The following GLIS3 variants were observed in gnomAD, a reference collection of about 807,000 sequenced individuals.
GLIS3 encodes GLIS family zinc finger 3, also known as zinc finger protein GLIS3.
In GLIS3, 53 loss-of-function variants were observed where a neutral mutation model predicts 78.6. That is an observed-to-expected ratio of 0.67 (90% CI 0.54 to 0.85). GLIS3 has a LOEUF of 0.85. GLIS3 is among the 40% of genes least tolerant of loss of function. The probability of loss-of-function intolerance (pLI) is 0.00; values close to 1 mark genes in which losing one functional copy is unlikely to be tolerated. For synonymous variants in GLIS3, 684 were observed against 509.9 expected, an observed-to-expected ratio of 1.34 and a Z score of -4.60; for missense variants, 1,703 against 1,231.1, an observed-to-expected ratio of 1.38 and a Z score of -5.74.
intron 2 of GLIS3, among the ~76,000 whole-genome samples, chr9:4,282,144 G>C (rs1425050554): frequency 6.6e-6 from 1 of 152,166 alleles, no homozygotes; most frequent in Admixed American, 6.5e-5. Flanking sequence ...TCCGTACACA[G>C]CTCTACGCTT....
At position 4,196,753 on chromosome 9, in the gene GLIS3, C is replaced by T. The variant is rs1002293024; in HGVS notation, c.389-70812G>A. Among the ~76,000 whole-genome samples, 4 of 152,316 alleles carry T rather than the reference C, an allele frequency of 2.6e-5. No individual in the cohort carries two copies. The East Asian group carries it at 7.7e-4, about 29-fold the overall frequency. On this transcript the variant is annotated intron_variant, in intron 2 of 10. Coordinates refer to ENST00000381971, the MANE Select transcript of GLIS3 (RefSeq NM_001042413.2). ...TAACACTCACCGTGAGGGTCCGCAGCTTCATTCTTTAAGTCAGTGAGACCA... is the reference window on the plus strand; with the variant it reads ...TAACACTCACCGTGAGGGTCCGCAGTTTCATTCTTTAAGTCAGTGAGACCA...
chr9:4,486,022 C>T, the GLIS3 span, among the ~76,000 whole-genome samples: 2 of 152,080 alleles, frequency 1.3e-5, no homozygotes, highest in Non-Finnish European at 2.9e-5. Context: ...GCACCTGGCC[C>T]GACTTTTGCT....
chr9:3,912,220 T>C (rs1275056477), intron 6 of GLIS3, among the ~76,000 whole-genome samples: 3 of 152,224 alleles, frequency 2.0e-5, no homozygotes, highest in Non-Finnish European at 4.4e-5. Flanking sequence ...GAAGAGGCTA[T>C]TGCGTACGTT....
chr9:3,918,647 G>A (rs1588224525), intron 6 of GLIS3, among the ~76,000 whole-genome samples: 1 of 152,164 alleles, frequency 6.6e-6, no homozygotes, highest in South Asian at 2.1e-4. Flanking sequence ...CCATGAAACT[G>A]TGGCAGGCTA....
chr9:3,906,064 C>T (rs573156894), intron 6 of GLIS3, among the ~76,000 whole-genome samples: 4 of 152,252 alleles, frequency 2.6e-5, no homozygotes, highest in African/African-American at 9.6e-5. Context: ...GTTCTGAAAA[C>T]AGTCATTGGA....
chr9:3,898,101 A>C (rs556179905), intron 7 of GLIS3, among the ~76,000 whole-genome samples: 1 of 152,204 alleles, frequency 6.6e-6, no homozygotes, highest in Non-Finnish European at 1.5e-5. Flanking sequence ...ATGGTATATT[A>C]ATCTTTTCTT....
At chr9:4,050,172 CCATAG>C (rs1825619479) in intron 4 of GLIS3, among the ~76,000 whole-genome samples, 1 of 152,112 alleles carries the variant, frequency 6.6e-6, no homozygotes, top group Non-Finnish European at 1.5e-5. Context: ...GGCCTATTCA[CCATAG>C]CAAAGACTTG....
chr9:3,971,316 T>G (rs919479618), intron 4 of GLIS3, among the ~76,000 whole-genome samples: 1 of 152,168 alleles, frequency 6.6e-6, no homozygotes, highest in Non-Finnish European at 1.5e-5. Context: ...GAATTCTATT[T>G]TATGCTTTAA....
At chr9:4,467,196 C>A in the GLIS3 span, among the ~76,000 whole-genome samples, 2 of 152,324 alleles carry the variant, frequency 1.3e-5, no homozygotes, top group African/African-American at 4.8e-5. Flanking sequence ...GTAGACTCCA[C>A]CTCTGGGGGC....
the GLIS3 span, among the ~76,000 whole-genome samples, chr9:4,354,540 T>C: frequency 6.6e-6 from 1 of 152,234 alleles, no homozygotes; most frequent in South Asian, 2.1e-4. Flanking sequence ...AGAATCCACG[T>C]GACCCATCTT....
At chr9:4,120,097 G>GTTATATAAAAA (rs1586730036) in intron 3 of GLIS3, among the ~76,000 whole-genome samples, 1 of 152,210 alleles carries the variant, frequency 6.6e-6, no homozygotes, top group East Asian at 1.9e-4. Context: ...TATATAAAAC[G>GTTATATAAAAA]TGTCTTCTCA....
intron 2 of GLIS3, among the ~76,000 whole-genome samples, chr9:4,314,141 T>A (rs1356718907): frequency 1.3e-5 from 2 of 152,252 alleles, no homozygotes; most frequent in East Asian, 3.8e-4. Context: ...ATAGTAATAG[T>A]ACTTATCTCA....
At chr9:3,953,787 CTCTCTCTCTATATATATA>C (rs1269286071) in intron 4 of GLIS3, among the ~76,000 whole-genome samples, 4 of 44,422 alleles carry the variant, frequency 9.0e-5, no homozygotes, top group South Asian at 4.8e-4. Context: ...CTCTCTCTCT[CTCTCTCTCTATATATATA>C]TATATATATA....
At chr9:4,260,470 G>C (rs1000587361) in intron 2 of GLIS3, among the ~76,000 whole-genome samples, 7 of 151,976 alleles carry the variant, frequency 4.6e-5, no homozygotes, top group Admixed American at 3.9e-4. Context: ...GGGAGGCTGA[G>C]GCAGGAGAAT....
chr9:3,968,277 C>G (rs139714026), intron 4 of GLIS3, among the ~76,000 whole-genome samples: 1 of 152,268 alleles, frequency 6.6e-6, no homozygotes, highest in African/African-American at 2.4e-5. Flanking sequence ...CTGAATGGGA[C>G]AGTGGAGATA....
At chr9:4,444,941 G>A in the GLIS3 span, among the ~76,000 whole-genome samples, 1 of 152,072 alleles carries the variant, frequency 6.6e-6, no homozygotes, top group Non-Finnish European at 1.5e-5. Context: ...GAAACATGAG[G>A]GTTAAAAAAT....
chr9:3,962,599 G>C (rs73386187), intron 4 of GLIS3, among the ~76,000 whole-genome samples: 2,908 of 152,220 alleles, frequency 0.019, 91 homozygotes, highest in African/African-American at 0.066. Context: ...TAGGCTCATA[G>C]TTTGTCACTG....
intron 4 of GLIS3, among the ~76,000 whole-genome samples, chr9:4,049,183 G>C (rs16920511): frequency 6.6e-6 from 1 of 152,180 alleles, no homozygotes; most frequent in Admixed American, 6.5e-5. Flanking sequence ...TACTCCAGAA[G>C]TCTAGGATAC....
chr9:4,451,750 G>A, the GLIS3 span, among the ~76,000 whole-genome samples: 1 of 151,988 alleles, frequency 6.6e-6, no homozygotes, highest in Non-Finnish European at 1.5e-5. Context: ...AATGACTACT[G>A]GGTACATAAT....
Sources: allele counts gnomAD v4.1 joint callset (sites outside exome capture counted in the v4.1 genomes callset), GRCh38; gene constraint gnomAD v4.1.1; transcripts MANE v1.5; gene names NCBI Gene and HGNC (gene_info 2026-07-23, HGNC 2026-07-21).